Variants in BRINP3 observed in about 807,000 individuals in gnomAD.
BRINP3 encodes the protein BMP/retinoic acid-inducible neural-specific protein 3.
In BRINP3, 19 loss-of-function variants were observed where a neutral mutation model predicts 71.0. The observed-to-expected ratio is 0.27, with a 90% CI of 0.19 to 0.39. BRINP3 has a LOEUF of 0.39. BRINP3 is among the 10% of genes least tolerant of loss of function. The pLI, the probability that BRINP3 is intolerant of heterozygous loss-of-function variation, is 1.00. For synonymous variants in BRINP3, 380 were observed against 337.7 expected, an observed-to-expected ratio of 1.13 and a Z score of -1.37; for missense variants, 959 against 940.8, an observed-to-expected ratio of 1.02 and a Z score of -0.25.
At chr1:190,413,052 G>T (rs1268240049) in intron 2 of BRINP3, among the ~76,000 whole-genome samples, 1 of 152,148 alleles carries the variant, frequency 6.6e-6, no homozygotes, top group Non-Finnish European at 1.5e-5. Context: ...TGAATGTGCA[G>T]TAATAACTTT....
At chr1:190,240,664 A>G (rs956564103) in intron 4 of BRINP3, among the ~76,000 whole-genome samples, 2 of 151,878 alleles carry the variant, frequency 1.3e-5, no homozygotes, top group Non-Finnish European at 2.9e-5. Context: ...TGCAGTCAGG[A>G]GTTTGAGACC....
At chr1:190,119,564 T>G (rs1179664315) in intron 7 of BRINP3, among the ~76,000 whole-genome samples, 1 of 152,114 alleles carries the variant, frequency 6.6e-6, no homozygotes, top group African/African-American at 2.4e-5. Flanking sequence ...TGGAGTGCCT[T>G]ATGTGAGCTA....
intron 6 of BRINP3, among the ~76,000 whole-genome samples, chr1:190,184,631 C>A (rs1172855930): frequency 3.3e-5 from 5 of 151,866 alleles, no homozygotes; most frequent in Admixed American, 3.3e-4. Flanking sequence ...AACGCAAAAA[C>A]AGAAAAAAAA....
At chr1:190,249,150 A>C (rs958119063) in intron 4 of BRINP3, among the ~76,000 whole-genome samples, 2 of 151,838 alleles carry the variant, frequency 1.3e-5, no homozygotes, top group African/African-American at 4.8e-5. Flanking sequence ...CTACTAGAGA[A>C]AACCATGCCA....
intron 2 of BRINP3, among the ~76,000 whole-genome samples, chr1:190,362,755 A>T (rs548649458): frequency 6.6e-6 from 1 of 152,114 alleles, no homozygotes; most frequent in East Asian, 1.9e-4. Context: ...CTTTCCTCTC[A>T]TTCTGTCTTG....
chr1:190,229,958 A>G (rs764883500), intron 5 of BRINP3, among the ~76,000 whole-genome samples: 3 of 152,004 alleles, frequency 2.0e-5, no homozygotes, highest in Non-Finnish European at 4.4e-5. Flanking sequence ...AAAACAGACA[A>G]TATGGCAAGG....
At chr1:190,224,740 G>T (rs1397743838) in intron 6 of BRINP3, among the ~76,000 whole-genome samples, 2 of 151,490 alleles carry the variant, frequency 1.3e-5, no homozygotes, top group Non-Finnish European at 2.9e-5. Flanking sequence ...ATCTGTCCAG[G>T]GATTAATAAC....
chr1:190,199,084 A>T (rs1654760031), intron 6 of BRINP3, among the ~76,000 whole-genome samples: 1 of 152,156 alleles, frequency 6.6e-6, no homozygotes, highest in Admixed American at 6.5e-5. Flanking sequence ...ACATGATGGC[A>T]GGCAAGAGAG....
intron 2 of BRINP3, among the ~76,000 whole-genome samples, chr1:190,412,595 T>A (rs867599908): frequency 3.4e-5 from 5 of 148,880 alleles, no homozygotes; most frequent in Middle Eastern, 3.2e-3. Context: ...CCCAAGTAGC[T>A]GGGACTACAG....
intron 7 of BRINP3, among the ~76,000 whole-genome samples, chr1:190,139,451 C>CAAAAAAAAAAAA (rs11315431): frequency 4.6e-5 from 4 of 87,592 alleles, no homozygotes; most frequent in African/African-American, 8.4e-5. Flanking sequence ...GACTCTGTCT[C>CAAAAAAAAAAAA]AAAAAAAAAA....
At chr1:190,430,617 T>A (rs1558280282) in intron 2 of BRINP3, among the ~76,000 whole-genome samples, 1 of 152,168 alleles carries the variant, frequency 6.6e-6, no homozygotes. Context: ...AATTAAAATA[T>A]ATTTTGGTAT....
At chr1:190,307,273 T>TG (rs1211361906) in intron 2 of BRINP3, among the ~76,000 whole-genome samples, 5 of 126,356 alleles carry the variant, frequency 4.0e-5, no homozygotes, top group African/African-American at 6.0e-5. Flanking sequence ...TTTTTTTTTT[T>TG]TTTTTTTTTT....
chr1:190,436,373 G>A (rs1456796011), intron 2 of BRINP3, among the ~76,000 whole-genome samples: 1 of 151,732 alleles, frequency 6.6e-6, no homozygotes, highest in African/African-American at 2.4e-5. Flanking sequence ...GGTGGACAAC[G>A]CCAGAGCCAA....
intron 6 of BRINP3, among the ~76,000 whole-genome samples, chr1:190,189,235 A>G (rs539025377): frequency 6.6e-6 from 1 of 152,108 alleles, no homozygotes; most frequent in Non-Finnish European, 1.5e-5. Context: ...TTGTTCTTTA[A>G]AAGTTTGACA....
intron 7 of BRINP3, among the ~76,000 whole-genome samples, chr1:190,102,951 T>G (rs1479373228): frequency 6.6e-6 from 1 of 152,084 alleles, no homozygotes; most frequent in African/African-American, 2.4e-5. Flanking sequence ...TGAGAAATCA[T>G]GTGACATACT....
chr1:190,240,446 T>A (rs1208926976), intron 4 of BRINP3, among the ~76,000 whole-genome samples: 3 of 152,140 alleles, frequency 2.0e-5, no homozygotes, highest in South Asian at 4.1e-4. Flanking sequence ...TGCAAAAAAA[T>A]TTTAAAGCAA....
At chr1:190,200,679 T>C (rs1654921457) in intron 6 of BRINP3, among the ~76,000 whole-genome samples, 1 of 152,074 alleles carries the variant, frequency 6.6e-6, no homozygotes, top group African/African-American at 2.4e-5. Context: ...CTACATGTTG[T>C]GGGAGGGGCC....
At chr1:190,174,282 C>G (rs1652290655) in intron 6 of BRINP3, among the ~76,000 whole-genome samples, 1 of 152,046 alleles carries the variant, frequency 6.6e-6, no homozygotes, top group Admixed American at 6.6e-5. Context: ...TTGGTACCTA[C>G]TCTGCCTCGT....
chr1:190,131,420 G>A (rs571632598), intron 7 of BRINP3, among the ~76,000 whole-genome samples: 1 of 151,784 alleles, frequency 6.6e-6, no homozygotes, highest in Non-Finnish European at 1.5e-5. Flanking sequence ...TCCTAACATG[G>A]TACATAATAT....
Sources: allele counts gnomAD v4.1 joint callset (sites outside exome capture counted in the v4.1 genomes callset), GRCh38; gene constraint gnomAD v4.1.1; transcripts MANE v1.5; gene names NCBI Gene and HGNC (gene_info 2026-07-23, HGNC 2026-07-21).